The following THUMPD3 variants were observed in gnomAD, a reference collection of about 807,000 sequenced individuals.
THUMPD3 encodes the protein THUMP domain 3 tRNA guanosine methyltransferase.
A neutral mutation model predicts 54.5 loss-of-function variants in THUMPD3; 44 were observed. That is an observed-to-expected ratio of 0.81 (90% confidence interval 0.63 to 1.04). The LOEUF is 1.04. Ranked by LOEUF, THUMPD3 falls within the 50% of genes least tolerant of loss-of-function variation. The probability of loss-of-function intolerance (pLI) is 0.00; values close to 1 mark genes in which losing one functional copy is unlikely to be tolerated. For synonymous variants in THUMPD3, 196 were observed against 201.4 expected, an observed-to-expected ratio of 0.97 and a Z score of 0.23; for missense variants, 604 against 601.3, an observed-to-expected ratio of 1.00 and a Z score of -0.05.
intron 6 of THUMPD3, 50 bp from the exon 7 acceptor site, chr3:9,380,453 A>C: frequency 8.1e-7 from 1 of 1,228,238 alleles, no homozygotes; most frequent in Non-Finnish European, 1.2e-6. Flanking sequence ...CAATTTAATC[A>C]TATTTTACAG....
Position 9,371,227 on chromosome 3 carries a change from C to CAGAGAATAATGGACAA in THUMPD3, c.498_499insAGAGAATAATGGACAA (p.Asp167ArgfsTer3). On this transcript the variant is annotated stop_gained and frameshift_variant, in exon 4 of 10. Transcript: ENST00000452837. LOFTEE classifies it high-confidence loss of function. ...TTAATAATGGACAAGAAGTCAAAAT[C>CAGAGAATAATGGACAA]GATCAGAGAAATGTTAAAAAAGAGT... is the stretch of plus-strand genomic sequence containing the variant. 1 of 1,611,118 alleles carries CAGAGAATAATGGACAA rather than the reference C, an allele frequency of 6.2e-7. No homozygotes were observed. Among genetic ancestry groups the CAGAGAATAATGGACAA allele is most frequent in the Non-Finnish European group, 8.5e-7 (1 of 1,179,268 alleles).
intron 3 of THUMPD3, among the ~76,000 whole-genome samples, chr3:9,369,079 A>C (rs1418190765): frequency 1.3e-5 from 2 of 152,030 alleles, no homozygotes; most frequent in Non-Finnish European, 2.9e-5. Flanking sequence ...TGGGAAGCCA[A>C]AGCAGGTGAA....
At chr3:9,369,705 T>G (rs1304563648) in intron 3 of THUMPD3, among the ~76,000 whole-genome samples, 3 of 152,224 alleles carry the variant, frequency 2.0e-5, no homozygotes, top group Non-Finnish European at 2.9e-5. Context: ...TTTTTCACAT[T>G]CTTTTGCTAT....
intron 3 of THUMPD3, among the ~76,000 whole-genome samples, chr3:9,369,386 T>G (rs2031849550): frequency 6.6e-6 from 1 of 151,834 alleles, no homozygotes; most frequent in South Asian, 2.1e-4. Context: ...CAAGATTCAT[T>G]TGTTTCATAT....
intron 5 of THUMPD3, among the ~76,000 whole-genome samples, chr3:9,375,143 C>T (rs1161881476): frequency 6.6e-6 from 1 of 152,172 alleles, no homozygotes; most frequent in Non-Finnish European, 1.5e-5. Context: ...AGGTGTAAGC[C>T]ACCGCGCCCG....
chr3:9,366,036 T>C (rs1575051430), intron 2 of THUMPD3, among the ~76,000 whole-genome samples: 1 of 152,210 alleles, frequency 6.6e-6, no homozygotes, highest in East Asian at 1.9e-4. Context: ...AGAGGTGATC[T>C]AGTATTTCTT....
chr3:9,376,201 T>C (rs1331601170), intron 5 of THUMPD3, among the ~76,000 whole-genome samples: 2 of 152,208 alleles, frequency 1.3e-5, no homozygotes, highest in African/African-American at 2.4e-5. Flanking sequence ...GAGAGGGGTT[T>C]ATTGGAAAGA....
In THUMPD3 at chr3:9,384,768, A is replaced by G. The variant is rs890203391; in HGVS notation, c.*80A>G. The G allele has an allele frequency of 6.5e-6, 10 of 1,527,656 alleles. No individual in the cohort carries two copies. The highest frequency in any genetic ancestry group is 3.5e-5 in the Admixed American group (2 of 57,762). The allele number at this position is 1,527,656 out of a possible 1,614,324, so 94.6% of individuals were successfully genotyped here. ...CTTGGAGAGGAAAAAAGTATTAACA[A>G]AACTGCAGTCTGCACTCTTTAAACC... On this transcript the variant is annotated 3_prime_UTR_variant, in exon 10 of 10. Coordinates refer to ENST00000452837, the MANE Select transcript of THUMPD3 (RefSeq NM_001114092.2).
At chr3:9,372,330 C>T (rs913688046) in intron 4 of THUMPD3, among the ~76,000 whole-genome samples, 5 of 152,140 alleles carry the variant, frequency 3.3e-5, no homozygotes, top group Admixed American at 6.5e-5. Flanking sequence ...AATCCCAGCA[C>T]TTTGGGAGGG....
intron 3 of THUMPD3, among the ~76,000 whole-genome samples, chr3:9,369,942 G>A (rs991288103): frequency 6.6e-6 from 1 of 152,106 alleles, no homozygotes; most frequent in Non-Finnish European, 1.5e-5. Flanking sequence ...ATGTGTGTGT[G>A]TTCTAGCTGT....
At chr3:9,366,592 C>T (rs1559299032) in intron 2 of THUMPD3, among the ~76,000 whole-genome samples, 1 of 152,160 alleles carries the variant, frequency 6.6e-6, no homozygotes, top group Non-Finnish European at 1.5e-5. Flanking sequence ...TACAGTGTAC[C>T]CTAGAAAGTC....
In THUMPD3 at chr3:9,384,672, G is replaced by C. The variant is rs746631720; in HGVS notation, c.1508G>C (p.Trp503Ser). ...CAAGACGGAGAAAGAGGAACTCTTTGGCAATGCAAAGAATGAAGATGACTA... is the reference window on the plus strand; with the variant it reads ...CAAGACGGAGAAAGAGGAACTCTTTCGCAATGCAAAGAATGAAGATGACTA... ...SEQDGERGTL[W>S]QCKE Residue 503 changes from tryptophan to serine, a missense_variant, in exon 10 of 10, where the codon TGG becomes TCG. Physicochemically the swap from Trp to Ser is radical, Grantham distance 177. Transcript: ENST00000452837. 2.3e-5 allele frequency: 37 copies of C among 1,613,990 alleles called. No individual in the cohort carries two copies. Among genetic ancestry groups the C allele is most frequent in the Non-Finnish European group, 3.0e-5 (35 of 1,180,038 alleles).
At chr3:9,380,410 C>A in intron 6 of THUMPD3, 93 bp from the exon 7 acceptor site, 1 of 844,324 alleles carries the variant, frequency 1.2e-6, no homozygotes, top group Non-Finnish European at 1.9e-6. Flanking sequence ...TTTTGCCACT[C>A]TAGAAAAGCA....
At chr3:9,373,640 A>G (rs1201169565) in intron 4 of THUMPD3, among the ~76,000 whole-genome samples, 1 of 152,254 alleles carries the variant, frequency 6.6e-6, no homozygotes, top group Non-Finnish European at 1.5e-5. Context: ...GAAGTGCTGT[A>G]TGAGTATCAG....
chr3:9,375,057 A>G (rs560822283), intron 5 of THUMPD3, among the ~76,000 whole-genome samples: 2 of 152,138 alleles, frequency 1.3e-5, no homozygotes, highest in South Asian at 2.1e-4. Flanking sequence ...ACATTTCACT[A>G]TGTTGGCGAG....
At chr3:9,378,931 A>G (rs1404839944) in intron 6 of THUMPD3, among the ~76,000 whole-genome samples, 2 of 152,162 alleles carry the variant, frequency 1.3e-5, no homozygotes, top group African/African-American at 4.8e-5. Context: ...ATGTCAAGAA[A>G]TACACAACAG....
At chr3:9,374,423 G>A in intron 4 of THUMPD3, 93 bp from the exon 5 acceptor site, 2 of 1,493,548 alleles carry the variant, frequency 1.3e-6, no homozygotes, top group Non-Finnish European at 9.0e-7. Flanking sequence ...GTTGCCTAAG[G>A]AGGGGTGAAC....
At position 9,373,336 on chromosome 3, in the gene THUMPD3, T is replaced by TA. The variant is rs200683477; in HGVS notation, c.808-1170dup. Among the ~76,000 whole-genome samples the TA allele has an allele frequency of 1.5e-4, 22 of 148,798 alleles. No individual in the cohort carries two copies. The East Asian group carries it at 1.6e-3, about 11-fold the overall frequency. On this transcript the variant is annotated intron_variant, in intron 4 of 9. Coordinates refer to ENST00000452837, the MANE Select transcript of THUMPD3 (RefSeq NM_001114092.2). ...AGGGAGACCCTGTCTCTACAAAAAA[T>TA]AAAAAAAAAATTAGCTGAGTATGAT...
At chr3:9,376,619 CCACT>C (rs1262621558) in intron 5 of THUMPD3, among the ~76,000 whole-genome samples, 2 of 152,254 alleles carry the variant, frequency 1.3e-5, no homozygotes, top group East Asian at 3.9e-4. Flanking sequence ...CAATAAGAAC[CCACT>C]ATTAACCCCC....
Sources: gnomAD v4.1 joint callset for allele counts (sites outside exome capture counted in the v4.1 genomes callset) on GRCh38, gnomAD v4.1.1 for gene constraint, MANE v1.5 for transcripts, NCBI Gene and HGNC (gene_info 2026-07-23, HGNC 2026-07-21) for gene names.